Variants in PCDHB6 observed in about 807,000 individuals in gnomAD.
The protein encoded by PCDHB6 is protocadherin beta-6.
For synonymous variants in PCDHB6, 506 were observed against 459.0 expected, an observed-to-expected ratio of 1.10 and a Z score of -1.31; for missense variants, 1,137 against 1,010.1, an observed-to-expected ratio of 1.13 and a Z score of -1.70.
In PCDHB6 at chr5:141,150,819, A is replaced by G. The variant is rs1554277517; in HGVS notation, c.562A>G (p.Arg188Gly). 5 of 1,614,192 alleles carry G rather than the reference A, an allele frequency of 3.1e-6. No homozygotes were observed. The highest frequency in any genetic ancestry group is 4.2e-6 in the Non-Finnish European group (5 of 1,180,036). Reference protein sequence around the residue: ...HVLTRNRSEGRKFPELVLDKP... With the variant: ...HVLTRNRSEGGKFPELVLDKP... Reference sequence around the variant, plus strand: ...TCTCACCCGCAATCGCAGCGAAGGCAGGAAGTTCCCGGAGCTGGTGCTAGA... The same window carrying G: ...TCTCACCCGCAATCGCAGCGAAGGCGGGAAGTTCCCGGAGCTGGTGCTAGA... Residue 188 changes from arginine to glycine, a missense_variant, in exon 1 of 1, where the codon AGG becomes GGG. Transcript: ENST00000231136.
In PCDHB6 at chr5:141,151,458, C is replaced by T; in HGVS notation, c.1201C>T (p.Leu401=). ...ACCTTCCGTGGAGAATTTCTACACC[C>T]TGGTAACAGAAGGCGCGCTGGACAG... is the stretch of plus-strand genomic sequence containing the variant. The part of the protein sequence containing the change: ...LRPSVENFYT[L]VTEGALDRES... The change falls in exon 1 of 1, where the codon CTG becomes TTG. Residue 401 remains leucine, a synonymous_variant. Coordinates refer to ENST00000231136, the MANE Select transcript of PCDHB6 (RefSeq NM_018939.4). 1 of 1,614,162 alleles carries T rather than the reference C, an allele frequency of 6.2e-7. No individual in the cohort carries two copies. The highest frequency in any genetic ancestry group is 8.5e-7 in the Non-Finnish European group (1 of 1,180,020).
Position 141,150,075 on chromosome 5 carries a change from GT to G in PCDHB6, c.-182del. The G allele has an allele frequency of 1.7e-6, 1 of 575,780 alleles. No individual in the cohort carries two copies. Among genetic ancestry groups the G allele is most frequent in the Non-Finnish European group, 3.0e-6 (1 of 328,912 alleles). 35.7% of individuals were successfully genotyped at this position (575,780 alleles called of 1,614,324 possible). On this transcript the variant is annotated 5_prime_UTR_variant, in exon 1 of 1. Coordinates refer to ENST00000231136, the MANE Select transcript of PCDHB6 (RefSeq NM_018939.4). ...GGACTCCGTTTCATCCAGAAGCCAA[GT>G]AAAAATACAGACCACGTTTACAGCT...
In PCDHB6 at chr5:141,152,607, A is replaced by C. The variant is rs1563894874; in HGVS notation, c.2350A>C (p.Thr784Pro). 2 of 1,607,518 alleles carry C rather than the reference A, an allele frequency of 1.2e-6. No individual in the cohort carries two copies. Among genetic ancestry groups the C allele is most frequent in the East Asian group, 2.2e-5 (1 of 44,714 alleles). ...PQGTEREMEE[T>P]PTSRNSFPFS ...GGGCACTGAGAGAGAAATGGAAGAA[A>C]CCCCCACCTCTCGGAATAGCTTCCC... Residue 784 changes from threonine to proline, a missense_variant, in exon 1 of 1, where the codon ACC becomes CCC. By Grantham distance (38) the Thr-to-Pro change is conservative (BLOSUM62 -1). Coordinates refer to ENST00000231136, the MANE Select transcript of PCDHB6 (RefSeq NM_018939.4).
chr5:141,150,422 G>C lies in PCDHB6; in HGVS notation c.165G>C (p.Val55=). The stretch of plus-strand genomic sequence containing the variant: ...TGACAAAGGACCTGGGACTGAGGGT[G>C]GGGGAGCTGGCTTCGCGGGGCGCTC... The part of the protein sequence containing the change: ...ANLTKDLGLR[V]GELASRGARV... Residue 55 remains valine, a synonymous_variant, in exon 1 of 1, where the codon GTG becomes GTC. Coordinates refer to ENST00000231136, the MANE Select transcript of PCDHB6 (RefSeq NM_018939.4). The C allele has an allele frequency of 6.2e-7, 1 of 1,614,080 alleles. No homozygotes were observed. Among genetic ancestry groups the C allele is most frequent in the Admixed American group, 1.7e-5 (1 of 60,012 alleles).
chr5:141,151,637 G>C lies in PCDHB6; in HGVS notation c.1380G>C (p.Glu460Asp). Residue 460 changes from glutamate to aspartate, a missense_variant, in exon 1 of 1, where the codon GAG becomes GAC. By Grantham distance (45) the Glu-to-Asp change is conservative. Coordinates refer to ENST00000231136, the MANE Select transcript of PCDHB6 (RefSeq NM_018939.4). ...CCTCCTACACCCTGTTCGTCCGCGA[G>C]AACAACAGCCCCGCCCTGCACATCG... Reference protein sequence around the residue: ...TQTSYTLFVRENNSPALHIGS... With the variant: ...TQTSYTLFVRDNNSPALHIGS... 2 of 1,613,570 alleles carry C rather than the reference G, an allele frequency of 1.2e-6. No individual in the cohort carries two copies. Among genetic ancestry groups the C allele is most frequent in the Non-Finnish European group, 1.7e-6 (2 of 1,180,044 alleles).
At position 141,151,854 on chromosome 5, in the gene PCDHB6, G is replaced by C. The variant is rs1554277836; in HGVS notation, c.1597G>C (p.Asp533His). ...QSFEFRVGAT[D>H]RGSPALSSEA... Reference sequence around the variant, plus strand: ...TTTCGAGTTCCGCGTGGGCGCCACAGACCGCGGCTCCCCGGCGTTGAGCAG... The same window carrying C: ...TTTCGAGTTCCGCGTGGGCGCCACACACCGCGGCTCCCCGGCGTTGAGCAG... Residue 533 changes from aspartate to histidine, a missense_variant, in exon 1 of 1, where the codon GAC (aspartate) becomes CAC (histidine). Asp to His is a moderately conservative substitution (Grantham distance 81). Coordinates refer to ENST00000231136, the MANE Select transcript of PCDHB6 (RefSeq NM_018939.4). 1.2e-6 allele frequency: 2 copies of C among 1,612,422 alleles called. No homozygotes were observed. The highest frequency in any genetic ancestry group is 2.2e-5 in the South Asian group (2 of 91,000).
Position 141,150,927 on chromosome 5 carries a change from A to C in PCDHB6, c.670A>C (p.Thr224Pro), listed in dbSNP as rs150157801. ...TGGCGGGTCTCCGCCCCGGTCAGGG[A>C]CCTCCGAGATTCAGATCCAGGTTTT... is the stretch of plus-strand genomic sequence containing the variant. Reference protein sequence around the residue: ...LDGGSPPRSGTSEIQIQVLDI... With the variant: ...LDGGSPPRSGPSEIQIQVLDI... Residue 224 changes from threonine (T) to proline (P), a missense_variant, in exon 1 of 1, where the codon ACC (threonine) becomes CCC (proline). By Grantham distance (38) the Thr-to-Pro change is conservative (BLOSUM62 -1). Coordinates refer to ENST00000231136, the MANE Select transcript of PCDHB6 (RefSeq NM_018939.4). 28 of 1,613,998 alleles carry C rather than the reference A, an allele frequency of 1.7e-5. No homozygotes were observed. The African/African-American group carries it at 3.2e-4, about 18-fold the overall frequency.
Position 141,152,425 on chromosome 5 carries a change from A to G in PCDHB6, c.2168A>G (p.Tyr723Cys), listed in dbSNP as rs146907091. ...AGCAGGGCGGCCTCGGTGGGTCGCT[A>G]CTCGGTGCCCGAGGGTCCCTTTCCA... is the stretch of plus-strand genomic sequence containing the variant. Reference protein sequence around the residue: ...RRSRAASVGRYSVPEGPFPGH... With the variant: ...RRSRAASVGRCSVPEGPFPGH... Residue 723 changes from tyrosine to cysteine, a missense_variant, in exon 1 of 1, where the codon TAC (tyrosine) becomes TGC (cysteine). Transcript: ENST00000231136. 162 of 1,612,434 alleles carry G rather than the reference A, an allele frequency of 1.0e-4. No individual in the cohort carries two copies. The highest frequency in any genetic ancestry group is 8.7e-5 in the Non-Finnish European group (103 of 1,179,456).
In PCDHB6 at chr5:141,151,013, GAAC is replaced by G. The variant is rs1373808766; in HGVS notation, c.760_762del (p.Asn254del). 9 of 1,614,094 alleles carry G rather than the reference GAAC, an allele frequency of 5.6e-6. No individual in the cohort carries two copies. The highest frequency in any genetic ancestry group is 7.6e-6 in the Non-Finnish European group (9 of 1,180,048). On this transcript the variant is annotated inframe_deletion, in exon 1 of 1. Transcript: ENST00000231136. ...AGCTCTATGAAGCACAAGTCCCTGA[GAAC>G]AACCCCCTCGGCTCTCTGGTTATTA...
Position 141,151,637 on chromosome 5 carries a change from G to A in PCDHB6, c.1380G>A (p.Glu460=), listed in dbSNP as rs782445585. 2 of 1,613,570 alleles carry A rather than the reference G, an allele frequency of 1.2e-6. No individual in the cohort carries two copies. Among genetic ancestry groups the A allele is most frequent in the South Asian group, 2.2e-5 (2 of 91,050 alleles). Residue 460 remains glutamate (E), a synonymous_variant, in exon 1 of 1, where the codon GAG becomes GAA. Coordinates refer to ENST00000231136, the MANE Select transcript of PCDHB6 (RefSeq NM_018939.4). ...TQTSYTLFVR[E]NNSPALHIGS... ...CCTCCTACACCCTGTTCGTCCGCGA[G>A]AACAACAGCCCCGCCCTGCACATCG...
Position 141,151,368 on chromosome 5 carries a change from G to A in PCDHB6, c.1111G>A (p.Ala371Thr), listed in dbSNP as rs782260628. The A allele has an allele frequency of 5.0e-6, 8 of 1,614,024 alleles. No homozygotes were observed. Among genetic ancestry groups the A allele is most frequent in the Middle Eastern group, 1.6e-4 (1 of 6,084 alleles). The change falls in exon 1 of 1, where the codon GCA (alanine) becomes ACA (threonine). Residue 371 changes from alanine (A) to threonine (T), a missense_variant. Coordinates refer to ENST00000231136, the MANE Select transcript of PCDHB6 (RefSeq NM_018939.4). ...ITVAVFSVSD[A>T]DSGHNQQVIC... ...AGTGGCAGTTTTCAGTGTTTCAGAT[G>A]CAGACTCTGGACATAACCAACAGGT...
chr5:141,150,765 A>G lies in PCDHB6; in HGVS notation c.508A>G (p.Thr170Ala). The change falls in exon 1 of 1, where the codon ACA (threonine) becomes GCA (alanine). Residue 170 changes from threonine (T) to alanine (A), a missense_variant. Transcript: ENST00000231136. The stretch of plus-strand genomic sequence containing the variant: ...CGGCAGCAACGGCCTTCAGAGGTAC[A>G]CAATCAGCTCCAACCCTCACTTCCA... ...DTGSNGLQRY[T>A]ISSNPHFHVL... 3 of 1,614,194 alleles carry G rather than the reference A, an allele frequency of 1.9e-6. No individual in the cohort carries two copies. Among genetic ancestry groups the G allele is most frequent in the African/African-American group, 1.3e-5 (1 of 75,048 alleles).
chr5:141,152,904 C>G lies in PCDHB6; in HGVS notation c.*262C>G, dbSNP rs1588337030. On this transcript the variant is annotated 3_prime_UTR_variant, in exon 1 of 1. Transcript: ENST00000231136. ...AATTAAATTATCTATTCTTCCCCCC[C>G]CCAAAAAAAAGTATTGTAAATCCTT... The G allele has an allele frequency of 4.1e-6, 1 of 246,106 alleles. No individual in the cohort carries two copies. The highest frequency in any genetic ancestry group is 2.4e-5 in the African/African-American group (1 of 42,428). The allele number at this position is 246,106 out of a possible 1,614,324, so 15.2% of individuals were successfully genotyped here. A position where few individuals can be genotyped will look rare whatever the true frequency, so the allele number is the denominator to read the frequency against.
chr5:141,150,152 A>G lies in PCDHB6; in HGVS notation c.-106A>G. The G allele has an allele frequency of 1.2e-6, 1 of 865,860 alleles. No homozygotes were observed. Among genetic ancestry groups the G allele is most frequent in the Non-Finnish European group, 1.8e-6 (1 of 560,804 alleles). The allele number at this position is 865,860 out of a possible 1,614,324, so 53.6% of individuals were successfully genotyped here. On this transcript the variant is annotated 5_prime_UTR_variant, in exon 1 of 1. It removes the in-frame stop codon of an upstream open reading frame in the 5' UTR. Transcript: ENST00000231136. ...AGGCAGTCGTCGCCAGACAAGTTGT[A>G]AGAACGAATTTAAAAATCTCTGCAA... is the stretch of plus-strand genomic sequence containing the variant.
Position 141,150,192 on chromosome 5 carries a change from G to T in PCDHB6, c.-66G>T. On this transcript the variant is annotated 5_prime_UTR_variant, in exon 1 of 1. Coordinates refer to ENST00000231136, the MANE Select transcript of PCDHB6 (RefSeq NM_018939.4). ...AATCTCTGCAAAGACATCCGAGAGG[G>T]TCGACGGTAGATGTGGTGATTGGGA... 1 of 1,261,964 alleles carries T rather than the reference G, an allele frequency of 7.9e-7. No individual in the cohort carries two copies. The highest frequency in any genetic ancestry group is 1.1e-6 in the Non-Finnish European group (1 of 899,788). 78.2% of individuals were successfully genotyped at this position (1,261,964 alleles called of 1,614,324 possible).
rs782687297 is a variant in PCDHB6 at position 141,152,148 on chromosome 5, C to T, written c.1891C>T (p.Arg631Ter). The change falls in exon 1 of 1, where the codon CGA becomes TGA. Residue 631 changes from arginine (R) to a stop codon, truncating the protein, a stop_gained. Coordinates refer to ENST00000231136, the MANE Select transcript of PCDHB6 (RefSeq NM_018939.4). LOFTEE classifies it low-confidence loss of function (END_TRUNC). ...EVRTARLLSE[R>*]DAAKHRLVVL... ...GCGCACCGCCAGGCTGCTGAGCGAGCGAGACGCAGCCAAGCACAGGCTGGT... is the reference window on the plus strand; with the variant it reads ...GCGCACCGCCAGGCTGCTGAGCGAGTGAGACGCAGCCAAGCACAGGCTGGT... 6.2e-7 allele frequency: 1 copy of T among 1,607,882 alleles called. No individual in the cohort carries two copies. Among genetic ancestry groups the T allele is most frequent in the Non-Finnish European group, 8.5e-7 (1 of 1,179,708 alleles).
Position 141,151,201 on chromosome 5 carries a change from T to C in PCDHB6, c.944T>C (p.Val315Ala). 1 of 1,614,194 alleles carries C rather than the reference T, an allele frequency of 6.2e-7. No individual in the cohort carries two copies. Among genetic ancestry groups the C allele is most frequent in the Non-Finnish European group, 8.5e-7 (1 of 1,180,024 alleles). ...TTTGAGGAAATTCAGTCTTATGACG[T>C]GGATGTTGAGGCTACAGATGGTGGA... ...LDFEEIQSYD[V>A]DVEATDGGGL... The change falls in exon 1 of 1, where the codon GTG becomes GCG. Residue 315 changes from valine (V) to alanine (A), a missense_variant. Physicochemically the swap from Val to Ala is moderately conservative, Grantham distance 64 (BLOSUM62 0). Coordinates refer to ENST00000231136, the MANE Select transcript of PCDHB6 (RefSeq NM_018939.4).
chr5:141,151,943 G>A lies in PCDHB6; in HGVS notation c.1686G>A (p.Pro562=), dbSNP rs782507289. The part of the protein sequence containing the change: ...ANDNSPFVLY[P]LQNGSAPCTE... Reference sequence around the variant, plus strand: ...ACAACTCGCCCTTCGTGTTGTACCCGCTGCAGAACGGCTCCGCGCCCTGCA... The same window carrying A: ...ACAACTCGCCCTTCGTGTTGTACCCACTGCAGAACGGCTCCGCGCCCTGCA... Residue 562 remains proline (P), a synonymous_variant, in exon 1 of 1, where the codon CCG becomes CCA. Coordinates refer to ENST00000231136, the MANE Select transcript of PCDHB6 (RefSeq NM_018939.4). The A allele has an allele frequency of 2.5e-6, 4 of 1,611,236 alleles. No individual in the cohort carries two copies. The highest frequency in any genetic ancestry group is 1.7e-5 in the Admixed American group (1 of 60,002).
chr5:141,151,356 A>G lies in PCDHB6; in HGVS notation c.1099A>G (p.Ser367Gly). 1 of 1,614,180 alleles carries G rather than the reference A, an allele frequency of 6.2e-7. No individual in the cohort carries two copies. The highest frequency in any genetic ancestry group is 1.1e-5 in the South Asian group (1 of 91,088). Residue 367 changes from serine (S) to glycine (G), a missense_variant, in exon 1 of 1, where the codon AGT becomes GGT. By Grantham distance (56) the Ser-to-Gly change is moderately conservative. Coordinates refer to ENST00000231136, the MANE Select transcript of PCDHB6 (RefSeq NM_018939.4). ...ACCAGAGATCACAGTGGCAGTTTTCAGTGTTTCAGATGCAGACTCTGGACA... is the reference window on the plus strand; with the variant it reads ...ACCAGAGATCACAGTGGCAGTTTTCGGTGTTTCAGATGCAGACTCTGGACA... Reference protein sequence around the residue: ...NLPEITVAVFSVSDADSGHNQ... With the variant: ...NLPEITVAVFGVSDADSGHNQ...
Sources: gnomAD v4.1 joint callset for allele counts on GRCh38, gnomAD v4.1.1 for gene constraint, MANE v1.5 for transcripts, NCBI Gene and HGNC (gene_info 2026-07-23, HGNC 2026-07-21) for gene names.